The following WDR70 variants were observed in gnomAD, a reference collection of about 807,000 sequenced individuals.
WDR70 encodes the protein WD repeat-containing protein 70.
In WDR70, 53 loss-of-function variants were observed where a neutral mutation model predicts 88.6. The observed-to-expected ratio is 0.60, with a 90% CI of 0.48 to 0.75. WDR70 has a LOEUF of 0.75. Ranked by LOEUF, WDR70 falls within the 30% of genes least tolerant of loss-of-function variation. The pLI, the probability that WDR70 is intolerant of heterozygous loss-of-function variation, is 0.00. For missense variants in WDR70, 610 were observed against 823.2 expected, an observed-to-expected ratio of 0.74 and a Z score of 3.17; for synonymous variants, 280 against 270.0, an observed-to-expected ratio of 1.04 and a Z score of -0.36.
At chr5:37,486,636 T>C (rs1739881974) in intron 8 of WDR70, among the ~76,000 whole-genome samples, 1 of 152,216 alleles carries the variant, frequency 6.6e-6, no homozygotes, top group Non-Finnish European at 1.5e-5. Flanking sequence ...TGAGCCACCA[T>C]GCCCGGCCTT....
intron 10 of WDR70, among the ~76,000 whole-genome samples, chr5:37,629,147 G>A (rs999860744): frequency 6.6e-6 from 1 of 152,116 alleles, no homozygotes; most frequent in African/African-American, 2.4e-5. Flanking sequence ...GATATCTGCT[G>A]TTAGCCTAAT....
intron 6 of WDR70, among the ~76,000 whole-genome samples, chr5:37,439,113 T>C (rs1750573176): frequency 6.6e-6 from 1 of 151,996 alleles, no homozygotes. Context: ...AGAGATGGGC[T>C]TTCACCGTGT....
At chr5:37,708,501 T>C (rs1747421978) in intron 13 of WDR70, among the ~76,000 whole-genome samples, 1 of 152,104 alleles carries the variant, frequency 6.6e-6, no homozygotes, top group Non-Finnish European at 1.5e-5. Flanking sequence ...ATTTAAAAAG[T>C]ATATTCTGGA....
chr5:37,567,937 C>G (rs1053162096), intron 9 of WDR70, among the ~76,000 whole-genome samples: 8 of 152,128 alleles, frequency 5.3e-5, no homozygotes, highest in African/African-American at 1.9e-4. Context: ...AGTAATATCA[C>G]TTGGATTTGA....
intron 9 of WDR70, among the ~76,000 whole-genome samples, chr5:37,552,751 G>A (rs951839522): frequency 5.3e-5 from 8 of 152,150 alleles, no homozygotes; most frequent in Non-Finnish European, 8.8e-5. Context: ...TGGGTCGTTC[G>A]CTACATTTGG....
chr5:37,499,035 G>A (rs539134617), intron 8 of WDR70, among the ~76,000 whole-genome samples: 67 of 152,176 alleles, frequency 4.4e-4, no homozygotes, highest in African/African-American at 1.2e-3. Flanking sequence ...CATTCAAATA[G>A]GTGTTTAGTG....
intron 9 of WDR70, among the ~76,000 whole-genome samples, chr5:37,556,486 A>G (rs1193376412): frequency 2.0e-5 from 3 of 152,236 alleles, no homozygotes; most frequent in African/African-American, 7.2e-5. Flanking sequence ...AACATATGTT[A>G]TCTTCACTCA....
chr5:37,668,430 G>A (rs10058348), intron 10 of WDR70, among the ~76,000 whole-genome samples: 3,870 of 152,208 alleles, frequency 0.025, 176 homozygotes, highest in African/African-American at 0.089. Context: ...CTAAAAGCAT[G>A]GGTCTTCTGT....
At chr5:37,532,848 A>G (rs1324483206) in intron 9 of WDR70, among the ~76,000 whole-genome samples, 1 of 152,058 alleles carries the variant, frequency 6.6e-6, no homozygotes, top group Non-Finnish European at 1.5e-5. Flanking sequence ...GCTTTGTCAT[A>G]TTGCCAGAGT....
chr5:37,546,528 G>A (rs1299406139), intron 9 of WDR70, among the ~76,000 whole-genome samples: 1 of 152,166 alleles, frequency 6.6e-6, no homozygotes, highest in Non-Finnish European at 1.5e-5. Flanking sequence ...ATGCAAATCA[G>A]TATTTTCTTT....
At chr5:37,534,863 A>C (rs1300070747) in intron 9 of WDR70, among the ~76,000 whole-genome samples, 1 of 151,220 alleles carries the variant, frequency 6.6e-6, no homozygotes, top group East Asian at 1.9e-4. Flanking sequence ...ATTCTTTACA[A>C]CCTTTTAGAG....
intron 7 of WDR70, among the ~76,000 whole-genome samples, chr5:37,464,151 A>C (rs1420109081): frequency 6.6e-6 from 1 of 152,234 alleles, no homozygotes; most frequent in Non-Finnish European, 1.5e-5. Flanking sequence ...AAAATAAATC[A>C]TCAGAAGAAA....
chr5:37,615,026 G>C (rs1352540690), intron 10 of WDR70, among the ~76,000 whole-genome samples: 1 of 152,020 alleles, frequency 6.6e-6, no homozygotes, highest in Non-Finnish European at 1.5e-5. Flanking sequence ...AATGTTAAGA[G>C]ATTAAGAAAG....
At chr5:37,702,653 A>G (rs1747198943) in intron 12 of WDR70, among the ~76,000 whole-genome samples, 1 of 152,240 alleles carries the variant, frequency 6.6e-6, no homozygotes, top group Non-Finnish European at 1.5e-5. Context: ...TAGAAGTTAA[A>G]AAGCACAGAT....
At chr5:37,457,591 A>G (rs1291425790) in intron 7 of WDR70, among the ~76,000 whole-genome samples, 3 of 152,186 alleles carry the variant, frequency 2.0e-5, no homozygotes, top group African/African-American at 7.2e-5. Context: ...ATATATCCAC[A>G]TATGTGGAAA....
In WDR70 at chr5:37,472,301, A is replaced by G. The variant is rs566370134; in HGVS notation, c.687-7533A>G. Among the ~76,000 whole-genome samples the G allele has an allele frequency of 8.5e-5, 13 of 152,122 alleles. No homozygotes were observed. The East Asian group carries it at 2.3e-3, about 27-fold the overall frequency. ...TTTTCATTCTATGTCCCTCCTTCCC[A>G]TAGAGGCAAGTACTTTTAAATTTTT... On this transcript the variant is annotated intron_variant, in intron 7 of 17. Coordinates refer to ENST00000265107, the MANE Select transcript of WDR70 (RefSeq NM_018034.4).
At chr5:37,574,383 C>T (rs149271634) in intron 9 of WDR70, among the ~76,000 whole-genome samples, 2 of 152,220 alleles carry the variant, frequency 1.3e-5, no homozygotes, top group African/African-American at 4.8e-5. Flanking sequence ...AGCATACCCC[C>T]CTCCATGGCT....
intron 10 of WDR70, among the ~76,000 whole-genome samples, chr5:37,641,996 A>G (rs1745116543): frequency 6.6e-6 from 1 of 152,246 alleles, no homozygotes; most frequent in African/African-American, 2.4e-5. Flanking sequence ...CAAATAATAC[A>G]GGATTTGATT....
In WDR70 at chr5:37,415,615, A is replaced by ACC. The variant is rs529270924; in HGVS notation, c.492+19052_492+19053dup. ...GGGCGGCTGGCCGGGCGAGGGGCTG[A>ACC]CCCCCCCCACCTCCCTCCCGGACGG... On this transcript the variant is annotated intron_variant, in intron 5 of 17. Coordinates refer to ENST00000265107, the MANE Select transcript of WDR70 (RefSeq NM_018034.4). Among the ~76,000 whole-genome samples the ACC allele has an allele frequency of 4.1e-4, 48 of 115,704 alleles. 1 individual carries two copies. Among genetic ancestry groups the ACC allele is most frequent in the Middle Eastern group, 5.2e-3 (1 of 192 alleles). The allele number at this position is 115,704 out of a possible 152,430, so 75.9% of individuals were successfully genotyped here.
Sources: allele counts gnomAD v4.1 joint callset (sites outside exome capture counted in the v4.1 genomes callset), GRCh38; gene constraint gnomAD v4.1.1; transcripts MANE v1.5; gene names NCBI Gene and HGNC (gene_info 2026-07-23, HGNC 2026-07-21).